The following PTPRG variants were observed in gnomAD, a reference collection of about 807,000 sequenced individuals.
The protein encoded by PTPRG is protein tyrosine phosphatase receptor type G.
A neutral mutation model predicts 165.3 loss-of-function variants in PTPRG; 102 were observed. The ratio of observed to expected loss-of-function variants is 0.62; its 90% confidence interval spans 0.53 to 0.73. PTPRG has a LOEUF of 0.73. Ranked by LOEUF, PTPRG falls within the 30% of genes least tolerant of loss-of-function variation. The pLI is 0.00. For missense variants in PTPRG, 1,866 were observed against 1,861.4 expected, an observed-to-expected ratio of 1.00 and a Z score of -0.05; for synonymous variants, 675 against 669.5, an observed-to-expected ratio of 1.01 and a Z score of -0.13.
chr3:61,592,150 A>G (rs1350465871), intron 1 of PTPRG, among the ~76,000 whole-genome samples: 1 of 152,006 alleles, frequency 6.6e-6, no homozygotes, highest in Non-Finnish European at 1.5e-5. Flanking sequence ...TATTTTTAGT[A>G]GAAACAGGGT....
intron 2 of PTPRG, among the ~76,000 whole-genome samples, chr3:61,827,214 A>G (rs2036139869): frequency 6.6e-6 from 1 of 152,246 alleles, no homozygotes; most frequent in Non-Finnish European, 1.5e-5. Flanking sequence ...GTGCATTTGC[A>G]GCATGAGCAA....
chr3:62,241,031 A>G (rs929461460), intron 14 of PTPRG, among the ~76,000 whole-genome samples: 6 of 152,186 alleles, frequency 3.9e-5, no homozygotes, highest in African/African-American at 1.4e-4. Context: ...TAAATGAGGA[A>G]AAGTATACAG....
intron 5 of PTPRG, among the ~76,000 whole-genome samples, chr3:62,119,473 C>G (rs552436211): frequency 1.3e-5 from 2 of 152,068 alleles, no homozygotes; most frequent in Non-Finnish European, 2.9e-5. Flanking sequence ...TGAAATGCTC[C>G]GAGTATTTGA....
At chr3:62,259,543 G>A (rs1701631875) in intron 16 of PTPRG, among the ~76,000 whole-genome samples, 1 of 152,180 alleles carries the variant, frequency 6.6e-6, no homozygotes, top group South Asian at 2.1e-4. Context: ...TTTCCTCAGC[G>A]TTTTTGACAA....
At chr3:61,885,749 T>C (rs914993615) in intron 2 of PTPRG, among the ~76,000 whole-genome samples, 3 of 87,816 alleles carry the variant, frequency 3.4e-5, no homozygotes, top group Non-Finnish European at 6.8e-5. Flanking sequence ...AGTGGCACTA[T>C]CGTAGCTCTC....
At chr3:62,127,946 G>A (rs1703372682) in intron 5 of PTPRG, among the ~76,000 whole-genome samples, 2 of 152,156 alleles carry the variant, frequency 1.3e-5, no homozygotes, top group Admixed American at 1.3e-4. Context: ...GGATCCTTAT[G>A]GTGGGCTATT....
chr3:62,036,324 T>C (rs1383278038), intron 4 of PTPRG, among the ~76,000 whole-genome samples: 1 of 152,170 alleles, frequency 6.6e-6, no homozygotes, highest in African/African-American at 2.4e-5. Flanking sequence ...GAAATCCATA[T>C]TGAAGAATAT....
At chr3:61,782,586 CTG>C (rs1402173822) in intron 2 of PTPRG, among the ~76,000 whole-genome samples, 2 of 152,186 alleles carry the variant, frequency 1.3e-5, no homozygotes, top group East Asian at 1.9e-4. Flanking sequence ...GAGCCAGAAA[CTG>C]TGAAGTTTTA....
At chr3:61,647,013 G>A (rs1443542786) in intron 1 of PTPRG, among the ~76,000 whole-genome samples, 1 of 152,162 alleles carries the variant, frequency 6.6e-6, no homozygotes, top group Non-Finnish European at 1.5e-5. Flanking sequence ...ATCTGTTGAA[G>A]AACATCTGGG....
intron 8 of PTPRG, among the ~76,000 whole-genome samples, chr3:62,172,268 AATAGC>A (rs1235046454): frequency 6.6e-5 from 10 of 152,328 alleles, no homozygotes; most frequent in African/African-American, 2.4e-4. Context: ...TAAACCTAGG[AATAGC>A]ATTGCTGGGT....
At chr3:61,886,207 T>A (rs1288491776) in intron 2 of PTPRG, among the ~76,000 whole-genome samples, 1 of 152,164 alleles carries the variant, frequency 6.6e-6, no homozygotes, top group African/African-American at 2.4e-5. Context: ...GTCTTCCTTC[T>A]GAGGAAGAAA....
chr3:61,895,884 C>G (rs866296405), intron 2 of PTPRG, among the ~76,000 whole-genome samples: 8 of 152,042 alleles, frequency 5.3e-5, no homozygotes, highest in Admixed American at 2.6e-4. Context: ...AATTTTTATT[C>G]AGATTGTAGG....
chr3:61,626,654 A>G (rs1701617136), intron 1 of PTPRG, among the ~76,000 whole-genome samples: 2 of 152,194 alleles, frequency 1.3e-5, no homozygotes, highest in South Asian at 2.1e-4. Flanking sequence ...GTCGCTCTTC[A>G]CTATTGCTGC....
At chr3:61,638,163 A>G (rs1230196765) in intron 1 of PTPRG, among the ~76,000 whole-genome samples, 1 of 152,232 alleles carries the variant, frequency 6.6e-6, no homozygotes, top group Non-Finnish European at 1.5e-5. Context: ...TATAAAAACC[A>G]AAAAGGCTTC....
chr3:62,080,160 C>T lies in PTPRG; in HGVS notation c.615+1902C>T, dbSNP rs529650391. Among the ~76,000 whole-genome samples the T allele has an allele frequency of 2.2e-3, 339 of 151,346 alleles. 1 individual carries two copies. Among genetic ancestry groups the T allele is most frequent in the Middle Eastern group, 3.4e-3 (1 of 292 alleles). On this transcript the variant is annotated intron_variant, in intron 5 of 29. Coordinates refer to ENST00000474889, the MANE Select transcript of PTPRG (RefSeq NM_002841.4). Reference sequence around the variant, plus strand: ...TCAGCTCACCACAACCTCCGCCTCCCGGGTTCAGGTGATTCTTCTGCCTCA... The same window carrying T: ...TCAGCTCACCACAACCTCCGCCTCCTGGGTTCAGGTGATTCTTCTGCCTCA...
intron 4 of PTPRG, among the ~76,000 whole-genome samples, chr3:62,036,172 G>A (rs1260779715): frequency 6.6e-6 from 1 of 152,118 alleles, no homozygotes; most frequent in Non-Finnish European, 1.5e-5. Flanking sequence ...TACAGCATAG[G>A]TTAAGGGAAA....
chr3:61,935,117 C>T (rs2039453143), intron 2 of PTPRG, among the ~76,000 whole-genome samples: 1 of 152,102 alleles, frequency 6.6e-6, no homozygotes, highest in African/African-American at 2.4e-5. Flanking sequence ...CGTGCAGCCC[C>T]CATCTCCGCC....
chr3:61,849,799 C>T (rs2036911906), intron 2 of PTPRG, among the ~76,000 whole-genome samples: 1 of 152,196 alleles, frequency 6.6e-6, no homozygotes, highest in Non-Finnish European at 1.5e-5. Context: ...TGCTTAACTA[C>T]AGACTTTGCT....
intron 16 of PTPRG, among the ~76,000 whole-genome samples, chr3:62,258,594 CTT>C (rs1429626860): frequency 6.6e-6 from 1 of 152,154 alleles, no homozygotes; most frequent in Non-Finnish European, 1.5e-5. Flanking sequence ...AGTTTCAGAA[CTT>C]TACTGCTTGG....
Sources: gnomAD v4.1 joint callset for allele counts (sites outside exome capture counted in the v4.1 genomes callset) on GRCh38, gnomAD v4.1.1 for gene constraint, MANE v1.5 for transcripts, NCBI Gene and HGNC (gene_info 2026-07-23, HGNC 2026-07-21) for gene names.